The following PRKG1 variants were observed in gnomAD, a reference collection of about 807,000 sequenced individuals.
PRKG1 encodes the protein cGMP-dependent protein kinase 1.
Under a neutral mutation model 88.1 loss-of-function variants are expected in PRKG1, and 35 were observed. The ratio of observed to expected loss-of-function variants is 0.40; its 90% CI spans 0.30 to 0.53. The LOEUF is 0.53. Ranked by LOEUF, PRKG1 falls within the 20% of genes least tolerant of loss-of-function variation. The pLI, the probability that PRKG1 is intolerant of heterozygous loss-of-function variation, is 0.59. For missense variants in PRKG1, 540 were observed against 839.8 expected (o/e 0.64, Z 4.41); for synonymous variants, 303 against 292.5 (o/e 1.04, Z -0.37).
intron 3 of PRKG1, among the ~76,000 whole-genome samples, chr10:51,751,020 A>G (rs1156939574): frequency 1.3e-5 from 2 of 152,118 alleles, no homozygotes; most frequent in African/African-American, 4.8e-5. Flanking sequence ...TCTGTCCCAT[A>G]ATGGACAATT....
At chr10:52,111,827 G>A (rs965995440) in intron 7 of PRKG1, among the ~76,000 whole-genome samples, 3 of 152,084 alleles carry the variant, frequency 2.0e-5, no homozygotes, top group Admixed American at 2.0e-4. Context: ...ACTTCTTTGG[G>A]CTCTGTTTAT....
Position 52,272,424 on chromosome 10 carries a change from T to G in PRKG1, c.1346T>G (p.Leu449Trp). ...LYRTFKDSKY[L>W]YMLMEACLGG... Reference sequence around the variant, plus strand: ...AGAACATTTAAGGACAGCAAATATTTGTATATGTTGATGGAAGCTTGTCTA... The same window carrying G: ...AGAACATTTAAGGACAGCAAATATTGGTATATGTTGATGGAAGCTTGTCTA... Residue 449 changes from leucine (L) to tryptophan (W), a missense_variant, in exon 12 of 18, where the codon TTG becomes TGG. Transcript: ENST00000373980. 1 of 1,610,846 alleles carries G rather than the reference T, an allele frequency of 6.2e-7. No homozygotes were observed. Among genetic ancestry groups the G allele is most frequent in the Non-Finnish European group, 8.5e-7 (1 of 1,177,712 alleles).
chr10:51,815,883 G>T (rs931089885), intron 4 of PRKG1, among the ~76,000 whole-genome samples: 12 of 152,166 alleles, frequency 7.9e-5, no homozygotes, highest in Non-Finnish European at 1.5e-4. Flanking sequence ...GCCCTTAGAG[G>T]CAGCATGAGC....
rs149806065 is a variant in PRKG1, at chr10:51,767,065, TA to T, written c.593-37519del. Among the ~76,000 whole-genome samples, 491 of 152,326 alleles carry T rather than the reference TA, an allele frequency of 3.2e-3. 1 individual carries two copies. Among genetic ancestry groups the T allele is most frequent in the Middle Eastern group, 0.01 (3 of 294 alleles). ...TTTATATTTATCTGAAAGTCCTTTT[TA>T]CTGGGAGTAAATAATCCATAGACTT... On this transcript the variant is annotated intron_variant, in intron 3 of 17. Transcript: ENST00000373980.
intron 3 of PRKG1, among the ~76,000 whole-genome samples, chr10:51,683,256 A>C: frequency 6.6e-6 from 1 of 152,108 alleles, no homozygotes. Flanking sequence ...GCCAAGGCGG[A>C]GGTTGCAGTG....
chr10:51,875,366 A>G (rs1220729643), intron 4 of PRKG1, among the ~76,000 whole-genome samples: 2 of 151,662 alleles, frequency 1.3e-5, no homozygotes, highest in Admixed American at 6.6e-5. Flanking sequence ...ATAAATTTGT[A>G]TTTTCAAATA....
intron 2 of PRKG1, among the ~76,000 whole-genome samples, chr10:51,247,843 AT>A (rs1357263891): frequency 1.1e-4 from 17 of 151,082 alleles, no homozygotes; most frequent in Admixed American, 4.0e-4. Flanking sequence ...AACTAAATTG[AT>A]TTTTTCCTAC....
intron 2 of PRKG1, among the ~76,000 whole-genome samples, chr10:51,393,081 AGGGGCTCCTCACTTCTCAGACG>A (rs1245806975): frequency 1.0e-4 from 6 of 58,800 alleles, no homozygotes; most frequent in African/African-American, 2.2e-4. Flanking sequence ...TGCCGGGCGG[AGGGGCTCCTCACTTCTCAGACG>A]GGGCGGTTGC....
rs75630008 is a variant in PRKG1 at position 51,501,553 on chromosome 10, T to A, written c.592+33717T>A. ...AGCTCTCTCCATCTGTGCTTCTCCA[T>A]GAATCTCTCCTTTGTTTATTTCTAT... On this transcript the variant is annotated intron_variant, in intron 3 of 17. Transcript: ENST00000373980. 5.3e-3 allele frequency among the ~76,000 whole-genome samples: 805 copies of A among 152,276 alleles called. 11 individuals are homozygous for A. The highest frequency in any genetic ancestry group is 0.034 in the Middle Eastern group (10 of 294).
At chr10:51,561,242 A>G (rs1231536504) in intron 3 of PRKG1, among the ~76,000 whole-genome samples, 1 of 152,030 alleles carries the variant, frequency 6.6e-6, no homozygotes, top group East Asian at 1.9e-4. Flanking sequence ...AGGCAAGAGA[A>G]TCATGTGAGC....
chr10:52,142,429 G>C (rs141597121), intron 8 of PRKG1, among the ~76,000 whole-genome samples: 1 of 152,078 alleles, frequency 6.6e-6, no homozygotes, highest in Non-Finnish European at 1.5e-5. Flanking sequence ...TGAATAAATC[G>C]TATGATAGTC....
At chr10:51,338,144 T>C (rs1841922140) in intron 2 of PRKG1, among the ~76,000 whole-genome samples, 1 of 152,102 alleles carries the variant, frequency 6.6e-6, no homozygotes, top group Non-Finnish European at 1.5e-5. Flanking sequence ...CTCTTACTTG[T>C]AAGTGGGAGC....
intron 3 of PRKG1, among the ~76,000 whole-genome samples, chr10:51,784,255 G>C (rs1838672668): frequency 6.6e-6 from 1 of 151,976 alleles, no homozygotes; most frequent in Admixed American, 6.6e-5. Flanking sequence ...GGGCCCTTCA[G>C]CTCTTCTTTA....
intron 2 of PRKG1, among the ~76,000 whole-genome samples, chr10:51,326,895 T>C (rs576197903): frequency 1.3e-5 from 2 of 152,350 alleles, no homozygotes; most frequent in East Asian, 3.9e-4. Flanking sequence ...GTAATCACAT[T>C]ATGCTTGGGA....
chr10:51,327,267 G>C (rs567829635), intron 2 of PRKG1, among the ~76,000 whole-genome samples: 1 of 151,824 alleles, frequency 6.6e-6, no homozygotes, highest in East Asian at 1.9e-4. Context: ...ATACGAAAAA[G>C]TTAGCCAGTC....
intron 2 of PRKG1, among the ~76,000 whole-genome samples, chr10:51,154,994 A>G (rs148083548): frequency 1.8e-3 from 271 of 152,158 alleles, no homozygotes; most frequent in Non-Finnish European, 3.5e-3. Context: ...CACTTCTGAG[A>G]TTATATCAAT....
intron 1 of PRKG1, among the ~76,000 whole-genome samples, chr10:51,078,403 T>G (rs188877593): frequency 0.01 from 1,507 of 147,594 alleles, 35 homozygotes; most frequent in African/African-American, 0.036. Context: ...TTTTTTTTTT[T>G]TTTTTTAGTA....
At chr10:51,442,176 C>A (rs779578404) in intron 2 of PRKG1, among the ~76,000 whole-genome samples, 3 of 151,792 alleles carry the variant, frequency 2.0e-5, no homozygotes. Flanking sequence ...AAAGTTGGAG[C>A]ACCTTGTCTA....
intron 2 of PRKG1, among the ~76,000 whole-genome samples, chr10:51,392,821 A>C (rs1327500474): frequency 1.7e-5 from 2 of 121,024 alleles, no homozygotes; most frequent in African/African-American, 3.2e-5. Context: ...CTGACCCCCC[A>C]CCTCCCTCCC....
Sources: gnomAD v4.1 joint callset for allele counts (sites outside exome capture counted in the v4.1 genomes callset) on GRCh38, gnomAD v4.1.1 for gene constraint, MANE v1.5 for transcripts, NCBI Gene and HGNC (gene_info 2026-07-23, HGNC 2026-07-21) for gene names.